UNC13C: variants seen among roughly 807,000 people sequenced by gnomAD.
The protein encoded by UNC13C is unc-13 homolog C.
UNC13C carries 174 observed loss-of-function variants against 245.4 expected under a neutral mutation model. That is an observed-to-expected ratio of 0.71 (90% CI 0.63 to 0.80). UNC13C has a LOEUF of 0.80. Ranked by LOEUF, UNC13C falls within the 30% of genes least tolerant of loss-of-function variation. The probability of loss-of-function intolerance (pLI) is 0.00; values close to 1 mark genes in which losing one functional copy is unlikely to be tolerated. For synonymous variants in UNC13C, 992 were observed against 895.1 expected (o/e 1.11, Z -1.93); for missense variants, 2,829 against 2,602.9 (o/e 1.09, Z -1.89).
At chr15:54,130,287 A>ATTTTTTTTTTTTTT (rs71824258) in intron 2 of UNC13C, among the ~76,000 whole-genome samples, 1 of 81,282 alleles carries the variant, frequency 1.2e-5, no homozygotes, top group Non-Finnish European at 2.2e-5. Flanking sequence ...TAGATAATTA[A>ATTTTTTTTTTTTTT]TTTTTTTTTT....
chr15:54,054,100 T>C (rs1427374419), intron 2 of UNC13C, among the ~76,000 whole-genome samples: 3 of 152,170 alleles, frequency 2.0e-5, no homozygotes, highest in Non-Finnish European at 4.4e-5. Context: ...AGTGCAGATA[T>C]CTCTTAAGTA....
At chr15:54,222,308 G>A (rs1053970084) in intron 4 of UNC13C, among the ~76,000 whole-genome samples, 2 of 151,576 alleles carry the variant, frequency 1.3e-5, no homozygotes, top group South Asian at 4.2e-4. Context: ...GAGTACAATT[G>A]TTTTGATTTT....
intron 19 of UNC13C, among the ~76,000 whole-genome samples, chr15:54,479,217 T>C (rs1596455249): frequency 6.6e-6 from 1 of 152,108 alleles, no homozygotes; most frequent in South Asian, 2.1e-4. Flanking sequence ...TCTCTCTCTC[T>C]CTTTAGCTCT....
chr15:54,258,169 AAT>A (rs1159909100), intron 8 of UNC13C, among the ~76,000 whole-genome samples: 1 of 152,080 alleles, frequency 6.6e-6, no homozygotes, highest in Non-Finnish European at 1.5e-5. Flanking sequence ...ATGTCAAAAA[AAT>A]AAATAAGTTA....
chr15:54,145,323 G>A (rs2032207914), intron 4 of UNC13C, among the ~76,000 whole-genome samples: 1 of 151,900 alleles, frequency 6.6e-6, no homozygotes, highest in Non-Finnish European at 1.5e-5. Context: ...TAAAATATTT[G>A]TAAGATTTAA....
At position 54,542,484 on chromosome 15, in the gene UNC13C, T is replaced by C. The variant is rs368092158; in HGVS notation, c.5697-4238T>C. Among the ~76,000 whole-genome samples the C allele has an allele frequency of 4.6e-5, 7 of 152,068 alleles. No homozygotes were observed. In the East Asian group the frequency reaches 1.3e-3, roughly 29 times the overall value. ...GAAGAATGTATATTCTGTTGATATG[T>C]GGTGGAGAGTTCTGTAGAAGTCTAT... is the stretch of plus-strand genomic sequence containing the variant. On this transcript the variant is annotated intron_variant, in intron 26 of 32. Transcript: ENST00000260323.
intron 27 of UNC13C, among the ~76,000 whole-genome samples, chr15:54,547,618 T>A (rs1326811324): frequency 6.6e-6 from 1 of 152,204 alleles, no homozygotes; most frequent in Non-Finnish European, 1.5e-5. Flanking sequence ...AGTGAAAGCA[T>A]ATGCCTAGAA....
At chr15:54,036,604 A>G (rs931985314) in intron 2 of UNC13C, among the ~76,000 whole-genome samples, 6 of 152,190 alleles carry the variant, frequency 3.9e-5, no homozygotes, top group African/African-American at 1.2e-4. Flanking sequence ...ATAGAGCCCA[A>G]GTAACTTTCT....
intron 2 of UNC13C, among the ~76,000 whole-genome samples, chr15:54,027,246 C>T (rs565258607): frequency 6.6e-6 from 1 of 151,448 alleles, no homozygotes; most frequent in African/African-American, 2.4e-5. Context: ...GCCACCTTTT[C>T]TGTGTCTTTT....
chr15:54,605,325 C>A (rs1267845821), intron 30 of UNC13C, among the ~76,000 whole-genome samples: 6 of 152,106 alleles, frequency 3.9e-5, no homozygotes, highest in African/African-American at 1.4e-4. Context: ...GAGCCAATCC[C>A]CAGTCTTAAT....
At chr15:54,078,247 C>A (rs1171254476) in intron 2 of UNC13C, among the ~76,000 whole-genome samples, 2 of 152,168 alleles carry the variant, frequency 1.3e-5, no homozygotes, top group Admixed American at 1.3e-4. Context: ...TTGATGGACA[C>A]GTAGGTTGAT....
At chr15:54,539,056 G>A (rs1469454256) in intron 26 of UNC13C, among the ~76,000 whole-genome samples, 2 of 151,930 alleles carry the variant, frequency 1.3e-5, no homozygotes, top group Non-Finnish European at 2.9e-5. Context: ...CTTATTTAGT[G>A]CATTTCTTTT....
chr15:54,354,415 C>T (rs2039049385), intron 17 of UNC13C, among the ~76,000 whole-genome samples: 1 of 152,120 alleles, frequency 6.6e-6, no homozygotes, highest in Admixed American at 6.5e-5. Context: ...TTCTGTTAGC[C>T]TTATAAAAAT....
At chr15:54,248,010 A>C (rs1183503699) in intron 7 of UNC13C, among the ~76,000 whole-genome samples, 1 of 152,174 alleles carries the variant, frequency 6.6e-6, no homozygotes, top group East Asian at 1.9e-4. Context: ...GAAAGTGGAC[A>C]TAGGGAATTA....
intron 2 of UNC13C, among the ~76,000 whole-genome samples, chr15:54,123,420 AT>A (rs372522312): frequency 8.8e-4 from 134 of 151,460 alleles, no homozygotes; most frequent in African/African-American, 2.9e-3. Flanking sequence ...TTTCATATGT[AT>A]TTTTTTCTTA....
chr15:53,989,828 G>C (rs1489233356), intron 1 of UNC13C, among the ~76,000 whole-genome samples: 1 of 151,972 alleles, frequency 6.6e-6, no homozygotes, highest in African/African-American at 2.4e-5. Context: ...CTTTAAAAGG[G>C]GGCTAATCCT....
the UNC13C span, among the ~76,000 whole-genome samples, chr15:53,876,453 A>G: frequency 6.6e-6 from 1 of 152,206 alleles, no homozygotes; most frequent in South Asian, 2.1e-4. Context: ...CAGAGGCTCC[A>G]TGTTATCTAC....
At chr15:54,046,148 G>A (rs185659849) in intron 2 of UNC13C, among the ~76,000 whole-genome samples, 4 of 152,004 alleles carry the variant, frequency 2.6e-5, no homozygotes, top group Non-Finnish European at 4.4e-5. Context: ...CCTTTCTGTG[G>A]ATGTAACAAA....
intron 26 of UNC13C, among the ~76,000 whole-genome samples, 155 bp from the exon 27 acceptor site, chr15:54,546,567 A>T (rs998976933): frequency 1.3e-5 from 2 of 152,216 alleles, no homozygotes; most frequent in Non-Finnish European, 2.9e-5. Context: ...ATAGAGAATT[A>T]TCTAATGTAC....
Sources: allele counts gnomAD v4.1 joint callset (sites outside exome capture counted in the v4.1 genomes callset), GRCh38; gene constraint gnomAD v4.1.1; transcripts MANE v1.5; gene names NCBI Gene and HGNC (gene_info 2026-07-23, HGNC 2026-07-21).